The following MTFR1 variants were observed in gnomAD, a reference collection of about 807,000 sequenced individuals.
MTFR1 encodes the protein chondrocyte protein with a poly-proline region.
MTFR1 carries 28 observed loss-of-function variants against 38.8 expected under a neutral mutation model. That is an observed-to-expected ratio of 0.72 (90% CI 0.53 to 0.99). The LOEUF (loss-of-function observed/expected upper bound fraction) is 0.99, where lower values mean the gene tolerates loss of function less well. Ranked by LOEUF, MTFR1 falls within the 50% of genes least tolerant of loss-of-function variation. The pLI is 0.00. For missense variants in MTFR1, 358 were observed against 395.5 expected (o/e 0.91, Z 0.81); for synonymous variants, 145 against 137.0 (o/e 1.06, Z -0.41).
chr8:65,648,254 T>G (rs1327078067), intron 1 of MTFR1, among the ~76,000 whole-genome samples: 6 of 152,172 alleles, frequency 3.9e-5, no homozygotes, highest in Admixed American at 6.5e-5. Flanking sequence ...CCTGACCTCG[T>G]GATTCGCCCA....
At chr8:65,702,197 G>C (rs1487053309) in intron 4 of MTFR1, among the ~76,000 whole-genome samples, 3 of 151,582 alleles carry the variant, frequency 2.0e-5, no homozygotes, top group South Asian at 4.2e-4. Context: ...TGCTTCCTCT[G>C]TCAAAATGAT....
intron 3 of MTFR1, among the ~76,000 whole-genome samples, chr8:65,738,188 C>T (rs1020182341): frequency 6.6e-6 from 1 of 152,122 alleles, no homozygotes; most frequent in African/African-American, 2.4e-5. Context: ...ATTTAAAAGA[C>T]TTTATTGCTA....
At chr8:65,719,320 CTG>C (rs1241968805) in intron 2 of MTFR1, 2 of 1,613,868 alleles carry the variant, frequency 1.2e-6, no homozygotes, top group East Asian at 2.2e-5. Context: ...GAGGTAATAA[CTG>C]TGAGTTCAAC....
exon 4 of MTFR1, chr8:65,771,094 T>C (rs1291025407): frequency 5.9e-6 from 2 of 337,792 alleles, no homozygotes; most frequent in Non-Finnish European, 1.2e-5. Context: ...TTGTGGCATC[T>C]ACATAATAAA....
intron 3 of MTFR1, among the ~76,000 whole-genome samples, chr8:65,740,170 G>T (rs527547798): frequency 8.0e-5 from 12 of 150,228 alleles, no homozygotes; most frequent in African/African-American, 1.5e-4. Flanking sequence ...GAGTTGCTTG[G>T]GGGGGTGGGG....
chr8:65,696,379 A>G (rs1160340952), intron 4 of MTFR1, among the ~76,000 whole-genome samples: 1 of 152,238 alleles, frequency 6.6e-6, no homozygotes, highest in Admixed American at 6.5e-5. Context: ...TATAAGAAAC[A>G]ATACAGAGAA....
intron 3 of MTFR1, among the ~76,000 whole-genome samples, chr8:65,720,747 G>A (rs1401951962): frequency 2.0e-5 from 3 of 152,180 alleles, no homozygotes; most frequent in South Asian, 2.1e-4. Context: ...TTATGTTCTG[G>A]TGAGGAGAAA....
At chr8:65,675,069 T>C (rs1441431573) in intron 2 of MTFR1, among the ~76,000 whole-genome samples, 2 of 152,190 alleles carry the variant, frequency 1.3e-5, no homozygotes, top group East Asian at 1.9e-4. Flanking sequence ...GGCAGGCAGA[T>C]CACCTAAGGT....
chr8:65,696,240 A>G, intron 4 of MTFR1, among the ~76,000 whole-genome samples: 1 of 152,238 alleles, frequency 6.6e-6, no homozygotes, highest in Admixed American at 6.5e-5. Flanking sequence ...ACAAATAGAA[A>G]TAAGGACATA....
chr8:65,750,502 G>C (rs1563487052), intron 3 of MTFR1, among the ~76,000 whole-genome samples: 3 of 143,706 alleles, frequency 2.1e-5, no homozygotes, highest in African/African-American at 8.4e-5. Context: ...GTGTGTGTGT[G>C]TCTGTGTGTG....
intron 3 of MTFR1, among the ~76,000 whole-genome samples, chr8:65,735,203 A>T (rs1319779735): frequency 1.3e-5 from 2 of 152,176 alleles, no homozygotes; most frequent in Non-Finnish European, 2.9e-5. Context: ...AAGGAAAGCG[A>T]GCCTACCTGT....
chr8:65,650,783 C>G (rs532993379), intron 1 of MTFR1, among the ~76,000 whole-genome samples: 1 of 152,304 alleles, frequency 6.6e-6, no homozygotes, highest in African/African-American at 2.4e-5. Context: ...GATATTGCTT[C>G]AATATACTGA....
intron 2 of MTFR1, among the ~76,000 whole-genome samples, chr8:65,680,495 C>A (rs1804847934): frequency 6.6e-6 from 1 of 152,106 alleles, no homozygotes; most frequent in Non-Finnish European, 1.5e-5. Context: ...TACTGTTATC[C>A]TTGAATTGGA....
chr8:65,687,535 C>T (rs1442480243), intron 3 of MTFR1, among the ~76,000 whole-genome samples: 4 of 151,732 alleles, frequency 2.6e-5, no homozygotes, highest in African/African-American at 7.3e-5. Context: ...TTAGTAGAGA[C>T]GGGGTTTCAC....
chr8:65,743,584 C>T (rs1807537517), intron 3 of MTFR1, among the ~76,000 whole-genome samples: 2 of 152,138 alleles, frequency 1.3e-5, no homozygotes, highest in South Asian at 4.1e-4. Context: ...AAAGGTATTT[C>T]CACTAGGCAT....
chr8:65,755,086 T>G (rs1808162216), intron 3 of MTFR1, among the ~76,000 whole-genome samples: 1 of 150,050 alleles, frequency 6.7e-6, no homozygotes, highest in Non-Finnish European at 1.5e-5. Context: ...AGTGGTGTGG[T>G]TTCGGCTCAC....
chr8:65,725,061 C>T (rs1024382953), intron 3 of MTFR1: 2 of 473,854 alleles, frequency 4.2e-6, no homozygotes, highest in Non-Finnish European at 7.1e-6. Context: ...ATTTATCACA[C>T]AAAAAATGAG....
intron 2 of MTFR1, among the ~76,000 whole-genome samples, chr8:65,671,108 A>T: frequency 6.6e-6 from 1 of 152,242 alleles, no homozygotes; most frequent in East Asian, 1.9e-4. Context: ...AAAAGTAGAG[A>T]ACCAAATAAA....
chr8:65,724,616 A>G (rs2129065598), intron 3 of MTFR1, among the ~76,000 whole-genome samples: 1 of 152,318 alleles, frequency 6.6e-6, no homozygotes, highest in East Asian at 1.9e-4. Context: ...CAGATTCACC[A>G]GTGATCTCCT....
Sources: allele counts gnomAD v4.1 joint callset (sites outside exome capture counted in the v4.1 genomes callset), GRCh38; gene constraint gnomAD v4.1.1; transcripts MANE v1.5; gene names NCBI Gene and HGNC (gene_info 2026-07-23, HGNC 2026-07-21).